HLA-DRB1: variants seen among roughly 807,000 people sequenced by gnomAD.
HLA-DRB1 encodes the protein major histocompatibility complex, class II, DR beta 1 precursor.
In HLA-DRB1, 10 loss-of-function variants were observed where a neutral mutation model predicts 27.9. That is an observed-to-expected ratio of 0.36 (90% CI 0.22 to 0.61). HLA-DRB1 has a LOEUF of 0.61. Ranked by LOEUF, HLA-DRB1 falls within the 20% of genes least tolerant of loss-of-function variation. The pLI is 0.73. For missense variants in HLA-DRB1, 118 were observed against 306.3 expected (o/e 0.39, Z 4.59); for synonymous variants, 57 against 126.7 (o/e 0.45, Z 3.69).
chr6:32,584,856 C>A, intron 1 of HLA-DRB1, among the ~76,000 whole-genome samples: 1 of 121,376 alleles, frequency 8.2e-6, no homozygotes. Flanking sequence ...AAACAGACCT[C>A]TCCACTCCTC....
chr6:32,580,356 A>G, intron 4 of HLA-DRB1, 86 bp from the exon 5 acceptor site: 1 of 572,360 alleles, frequency 1.7e-6, no homozygotes, highest in Non-Finnish European at 3.0e-6. Flanking sequence ...CAGATCTCCC[A>G]CCTGAGATTT....
At chr6:32,580,123 A>C in intron 5 of HLA-DRB1, 124 bp downstream of exon 5, 1 of 89,744 alleles carries the variant, frequency 1.1e-5, no homozygotes. Context: ...AAAAAAAAAA[A>C]AACAAAAAAA....
At position 32,589,791 on chromosome 6, in the gene HLA-DRB1, C is replaced by T; in HGVS notation, c.-49G>A. 3.9e-6 allele frequency: 2 copies of T among 509,156 alleles called. No individual in the cohort carries two copies. Among genetic ancestry groups the T allele is most frequent in the East Asian group, 5.3e-5 (1 of 18,744 alleles). The allele number at this position is 509,156 out of a possible 1,614,324, so 31.5% of individuals were successfully genotyped here. A position where few individuals can be genotyped will look rare whatever the true frequency, so the allele number is the denominator to read the frequency against. ...GGGCCAGAGAAGCAGGCAAGTCTCA[C>T]TCAGGGAGAACTATGAACCCCTCCA... On this transcript the variant is annotated 5_prime_UTR_variant, in exon 1 of 6. The change creates a new upstream start codon in the 5' untranslated region. Transcript: ENST00000360004.
At position 32,584,170 on chromosome 6, in the gene HLA-DRB1, CG is replaced by C. The variant is rs67476479; in HGVS notation, c.308del (p.Ala103GlyfsTer26). ...AGTTGTGTCTGCAGTAGGTGTCCAC[CG>C]CGGCCCGCGCCTGCTCCAGGATGTC... On this transcript the variant is annotated frameshift_variant, in exon 2 of 6. Transcript: ENST00000360004. LOFTEE classifies it high-confidence loss of function. 0.13 allele frequency: 136,657 copies of C among 1,070,286 alleles called. 26,452 individuals are homozygous for C. Among genetic ancestry groups the C allele is most frequent in the South Asian group, 0.16 (11,600 of 72,088 alleles). The allele number at this position is 1,070,286 out of a possible 1,614,324, so 66.3% of individuals were successfully genotyped here.
At chr6:32,579,418 T>A (rs114547485) in intron 5 of HLA-DRB1, among the ~76,000 whole-genome samples, 18,933 of 41,946 alleles carry the variant, frequency 0.45, 6,740 homozygotes, top group Middle Eastern at 0.5. Context: ...GCTGACTTCC[T>A]GCAGACCTTC....
intron 1 of HLA-DRB1, among the ~76,000 whole-genome samples, chr6:32,585,049 C>A (rs9270005): frequency 0.47 from 26,944 of 57,528 alleles, 8,462 homozygotes; most frequent in Middle Eastern, 0.51. Context: ...CACTAGGAAC[C>A]TGTATTTTAT....
At chr6:32,585,562 ATAT>A (rs1250931571) in intron 1 of HLA-DRB1, among the ~76,000 whole-genome samples, 1,110 of 130,340 alleles carry the variant, frequency 8.5e-3, no homozygotes, top group East Asian at 0.061. Flanking sequence ...ACTGCAGCTC[ATAT>A]TATTTTTTGT....
chr6:32,581,036 A>C (rs201891580), intron 3 of HLA-DRB1, among the ~76,000 whole-genome samples, 180 bp from the exon 4 acceptor site: 844 of 80,562 alleles, frequency 0.01, 33 homozygotes, highest in Middle Eastern at 0.022. Flanking sequence ...ACGTTCAGAC[A>C]TCAAACTCAT....
intron 1 of HLA-DRB1, among the ~76,000 whole-genome samples, chr6:32,589,362 T>C (rs73729329): frequency 0.11 from 11,674 of 108,076 alleles, no homozygotes; most frequent in Middle Eastern, 0.19. Context: ...TCCTTATTTC[T>C]AAATCCTCTA....
Position 32,584,011 on chromosome 6 carries a change from T to TCA in HLA-DRB1, c.370+97_370+98insTG, listed in dbSNP as rs1436567250. 1,201 of 311,202 alleles carry TCA rather than the reference T, an allele frequency of 3.9e-3. 168 individuals are homozygous for TCA. The highest frequency in any genetic ancestry group is 0.031 in the South Asian group (799 of 25,756). 19.3% of individuals were successfully genotyped at this position (311,202 alleles called of 1,614,324 possible). ...CTTCCTCTCTCTGTCTCTCTCTGTCTCTCTCTCACACACACACACACACAC... is the reference window on the plus strand; with the variant it reads ...CTTCCTCTCTCTGTCTCTCTCTGTCTCACTCTCTCACACACACACACACACAC... On this transcript the variant is annotated intron_variant, in intron 2 of 5. Transcript: ENST00000360004.
At chr6:32,584,608 C>CA (rs2150785850) in intron 1 of HLA-DRB1, among the ~76,000 whole-genome samples, 1 of 73,700 alleles carries the variant, frequency 1.4e-5, no homozygotes, top group African/African-American at 6.4e-5. Context: ...GCTTTTGGGA[C>CA]CCCCTCCCTG....
At chr6:32,585,234 C>A (rs540912133) in intron 1 of HLA-DRB1, among the ~76,000 whole-genome samples, 167 of 77,520 alleles carry the variant, frequency 2.2e-3, no homozygotes, top group East Asian at 7.5e-3. Flanking sequence ...ATTTCTGTCC[C>A]CACTCTAAGA....
chr6:32,582,739 CCTAT>C (rs1259659264), intron 2 of HLA-DRB1, among the ~76,000 whole-genome samples: 8,138 of 75,008 alleles, frequency 0.11, 596 homozygotes, highest in Middle Eastern at 0.3. Flanking sequence ...TATTATTAGG[CCTAT>C]CATTGTAAAA....
rs1307260424 is a variant in HLA-DRB1 at position 32,583,994 on chromosome 6, CTCTGTCTCTCTCTG to C, written c.370+101_370+114del. 79 of 234,006 alleles carry C rather than the reference CTCTGTCTCTCTCTG, an allele frequency of 3.4e-4. 14 individuals carry two copies. The African/African-American group carries it at 3.7e-3, about 11-fold the overall frequency. 14.5% of individuals were successfully genotyped at this position (234,006 alleles called of 1,614,324 possible). A position where few individuals can be genotyped will look rare whatever the true frequency, so the allele number is the denominator to read the frequency against. Reference sequence around the variant, plus strand: ...TGGCGCTCTCTCTCTCTCTTCCTCTCTCTGTCTCTCTCTGTCTCTCTCTCACACACACACACACA... The same window carrying C: ...TGGCGCTCTCTCTCTCTCTTCCTCTCTCTCTCTCTCACACACACACACACA... On this transcript the variant is annotated intron_variant, in intron 2 of 5. Coordinates refer to ENST00000360004, the Ensembl canonical transcript of HLA-DRB1.
In HLA-DRB1 at chr6:32,582,269, G is replaced by A. The variant is rs1473994570; in HGVS notation, c.371-431C>T. Among the ~76,000 whole-genome samples the A allele has an allele frequency of 4.9e-3, 659 of 135,868 alleles. 19 individuals are homozygous for A. The highest frequency in any genetic ancestry group is 0.018 in the African/African-American group (602 of 34,356). 89.1% of individuals were successfully genotyped at this position (135,868 alleles called of 152,430 possible). On this transcript the variant is annotated intron_variant, in intron 2 of 5. Transcript: ENST00000360004. ...ATAATTATACTAATTTACCTCTTGG[G>A]GTTATATGAGGATTAATGCACGTAA...
At position 32,589,625 on chromosome 6, in the gene HLA-DRB1, C is replaced by G. The variant is rs36032764; in HGVS notation, c.100+18G>C. On this transcript the variant is annotated intron_variant, in intron 1 of 5. Transcript: ENST00000360004. ...TTCCCCACCCCATAGTAGCTCAGCACCCGCAATGTGCACTTACGTCGGGTG... is the reference window on the plus strand; with the variant it reads ...TTCCCCACCCCATAGTAGCTCAGCAGCCGCAATGTGCACTTACGTCGGGTG... 555 of 674,832 alleles carry G rather than the reference C, an allele frequency of 8.2e-4. 1 individual carries two copies. The highest frequency in any genetic ancestry group is 2.1e-3 in the African/African-American group (56 of 27,046). The allele number at this position is 674,832 out of a possible 1,614,324, so 41.8% of individuals were successfully genotyped here.
At chr6:32,581,269 G>A (rs376223856) in intron 3 of HLA-DRB1, among the ~76,000 whole-genome samples, 3,528 of 75,872 alleles carry the variant, frequency 0.046, 406 homozygotes, top group East Asian at 0.08. Context: ...CTCAGACCCA[G>A]AGGCAGGGCC....
At chr6:32,588,500 T>C (rs9270204) in intron 1 of HLA-DRB1, among the ~76,000 whole-genome samples, 14 of 56,104 alleles carry the variant, frequency 2.5e-4, no homozygotes, top group Admixed American at 6.4e-4. Context: ...AGTGCTAAGG[T>C]TCTGTGCAAG....
rs1246680299 is a variant in HLA-DRB1 at position 32,583,973 on chromosome 6, G to T, written c.370+136C>A. The T allele has an allele frequency of 3.2e-5, 11 of 338,540 alleles. 5 individuals are homozygous for T. Among genetic ancestry groups the T allele is most frequent in the Non-Finnish European group, 4.1e-5 (9 of 217,282 alleles). The allele number at this position is 338,540 out of a possible 1,614,324, so 21.0% of individuals were successfully genotyped here. A position where few individuals can be genotyped will look rare whatever the true frequency, so the allele number is the denominator to read the frequency against. ...AGGATTCTAAATGCTCACAGATGGC[G>T]CTCTCTCTCTCTCTTCCTCTCTCTG... is the stretch of plus-strand genomic sequence containing the variant. On this transcript the variant is annotated intron_variant, in intron 2 of 5. Coordinates refer to ENST00000360004, the Ensembl canonical transcript of HLA-DRB1.
Sources: gnomAD v4.1 joint callset for allele counts (sites outside exome capture counted in the v4.1 genomes callset) on GRCh38, gnomAD v4.1.1 for gene constraint, MANE v1.5 for transcripts, NCBI Gene and HGNC (gene_info 2026-07-23, HGNC 2026-07-21) for gene names.